The following CWC27 variants were observed in gnomAD, a reference collection of about 807,000 sequenced individuals.
CWC27 encodes the protein CWC27 spliceosome associated cyclophilin.
A neutral mutation model predicts 63.6 loss-of-function variants in CWC27; 47 were observed. The ratio of observed to expected loss-of-function variants is 0.74; its 90% CI spans 0.58 to 0.94. CWC27 has a LOEUF of 0.94. Among genes scored for constraint, CWC27 ranks in the 40% least tolerant of loss-of-function variants. CWC27 has a pLI of 0.00. For missense variants in CWC27, 495 were observed against 554.3 expected (o/e 0.89, Z 1.07); for synonymous variants, 175 against 179.8 (o/e 0.97, Z 0.22).
intron 13 of CWC27, among the ~76,000 whole-genome samples, chr5:65,013,222 CTG>C (rs1403394379): frequency 6.6e-6 from 1 of 152,182 alleles, no homozygotes; most frequent in Non-Finnish European, 1.5e-5. Flanking sequence ...ATTTGGTGAG[CTG>C]TGAGAAATGA....
At chr5:64,798,956 A>G (rs180758128) in intron 7 of CWC27, among the ~76,000 whole-genome samples, 122 of 152,308 alleles carry the variant, frequency 8.0e-4, no homozygotes, top group Non-Finnish European at 1.4e-3. Context: ...TACAGGGTGT[A>G]AGTTTGAGGT....
rs566980115 is a variant in CWC27, at chr5:64,938,152, G to T, written c.1043-33551G>T. 9.9e-5 allele frequency among the ~76,000 whole-genome samples: 15 copies of T among 152,168 alleles called. No homozygotes were observed. The South Asian group carries it at 3.1e-3, about 32-fold the overall frequency. ...GTGAATTTGATCCTGTCATTATGAT[G>T]CTAGCTGGTTATTTTGCCCATTAGT... On this transcript the variant is annotated intron_variant, in intron 11 of 13. Transcript: ENST00000381070.
At chr5:65,010,751 A>G (rs140150763) in intron 13 of CWC27, among the ~76,000 whole-genome samples, 7 of 152,264 alleles carry the variant, frequency 4.6e-5, no homozygotes, top group Admixed American at 1.3e-4. Flanking sequence ...TTTGAGAAAG[A>G]TAAGTGTTGG....
chr5:64,986,964 T>C (rs560070997), intron 13 of CWC27, among the ~76,000 whole-genome samples: 7 of 152,312 alleles, frequency 4.6e-5, no homozygotes, highest in African/African-American at 9.6e-5. Flanking sequence ...CAAGGATGAA[T>C]TGATGACTTT....
chr5:64,807,998 A>G, intron 10 of CWC27: 1 of 1,390,002 alleles, frequency 7.2e-7, no homozygotes, highest in Non-Finnish European at 9.3e-7. Context: ...TCGACTGGCT[A>G]CTTTCCATTT....
chr5:64,908,785 G>A (rs140933676), intron 11 of CWC27, among the ~76,000 whole-genome samples: 4,460 of 152,182 alleles, frequency 0.029, 236 homozygotes, highest in African/African-American at 0.1. Context: ...GTCTCTGCAC[G>A]TGAGATGGGT....
chr5:64,785,559 C>T lies in CWC27; in HGVS notation c.475C>T (p.His159Tyr), dbSNP rs1251935070. The stretch of plus-strand genomic sequence containing the variant: ...TGATGACGAAAGACCACATAATCCA[C>T]ACAAAATAAAAAGCTGTGAGGTAGG... Reference protein sequence around the residue: ...IDDDERPHNPHKIKSCEVLFN... With the variant: ...IDDDERPHNPYKIKSCEVLFN... The change falls in exon 5 of 14, where the codon CAC (histidine) becomes TAC (tyrosine). Residue 159 changes from histidine to tyrosine, a missense_variant. Coordinates refer to ENST00000381070, the MANE Select transcript of CWC27 (RefSeq NM_005869.4). 2.5e-6 allele frequency: 4 copies of T among 1,595,480 alleles called. No individual in the cohort carries two copies. The highest frequency in any genetic ancestry group is 2.3e-5 in the South Asian group (2 of 88,476).
intron 11 of CWC27, among the ~76,000 whole-genome samples, chr5:64,958,209 C>T (rs922738344): frequency 6.6e-5 from 10 of 152,166 alleles, no homozygotes; most frequent in Admixed American, 6.5e-4. Context: ...ATAAATGTCA[C>T]ACTATGCTGT....
At chr5:65,017,442 C>T (rs1360450351) in intron 13 of CWC27, among the ~76,000 whole-genome samples, 3 of 152,186 alleles carry the variant, frequency 2.0e-5, no homozygotes, top group African/African-American at 7.2e-5. Flanking sequence ...CAACATATTT[C>T]GCTGATCCTA....
chr5:64,819,011 T>C (rs1745121751), intron 10 of CWC27, among the ~76,000 whole-genome samples: 1 of 152,198 alleles, frequency 6.6e-6, no homozygotes. Flanking sequence ...GTAATGAAAA[T>C]ACACATGTTG....
chr5:64,789,914 C>CT (rs1744015382), intron 7 of CWC27, among the ~76,000 whole-genome samples: 1 of 152,106 alleles, frequency 6.6e-6, no homozygotes. Flanking sequence ...CTTACCAACT[C>CT]TAACAATAAC....
chr5:64,979,237 A>G (rs976734292), intron 13 of CWC27, among the ~76,000 whole-genome samples: 2 of 152,226 alleles, frequency 1.3e-5, no homozygotes, highest in Non-Finnish European at 2.9e-5. Flanking sequence ...GAAGTGGGGA[A>G]CAAGTTAAAG....
At chr5:64,865,382 A>G (rs938175325) in intron 10 of CWC27, among the ~76,000 whole-genome samples, 2 of 152,078 alleles carry the variant, frequency 1.3e-5, no homozygotes, top group Non-Finnish European at 2.9e-5. Flanking sequence ...GAAGTTCCAT[A>G]GTAGAAGTTA....
intron 11 of CWC27, among the ~76,000 whole-genome samples, chr5:64,939,504 G>C (rs968321434): frequency 6.6e-6 from 1 of 152,138 alleles, no homozygotes; most frequent in Admixed American, 6.5e-5. Flanking sequence ...ATCCCAGAGG[G>C]GAACCCGCCA....
intron 13 of CWC27, among the ~76,000 whole-genome samples, chr5:65,010,690 G>T (rs1156910682): frequency 6.6e-6 from 1 of 152,116 alleles, no homozygotes; most frequent in Non-Finnish European, 1.5e-5. Context: ...CACCTCAAAG[G>T]CTAATCATAC....
intron 11 of CWC27, among the ~76,000 whole-genome samples, chr5:64,905,698 C>CT (rs1310291613): frequency 6.6e-6 from 1 of 152,038 alleles, no homozygotes. Flanking sequence ...TATTATTACA[C>CT]TTTAAGTTCT....
chr5:64,786,164 C>CAAAAAAA (rs1209111233), intron 5 of CWC27, among the ~76,000 whole-genome samples: 3 of 64,260 alleles, frequency 4.7e-5, no homozygotes, highest in African/African-American at 1.1e-4. Flanking sequence ...GACTCCATCT[C>CAAAAAAA]AAAAAAAAAA....
chr5:64,848,937 A>T (rs991830424), intron 10 of CWC27, among the ~76,000 whole-genome samples: 1 of 152,224 alleles, frequency 6.6e-6, no homozygotes, highest in East Asian at 1.9e-4. Flanking sequence ...CAAGGTAAGG[A>T]TGCCCATTCT....
chr5:64,932,348 G>A (rs1230644974), intron 11 of CWC27, among the ~76,000 whole-genome samples: 1 of 151,722 alleles, frequency 6.6e-6, no homozygotes, highest in Non-Finnish European at 1.5e-5. Flanking sequence ...AATCTCAATG[G>A]CCAATAGGAC....
Sources: allele counts gnomAD v4.1 joint callset (sites outside exome capture counted in the v4.1 genomes callset), GRCh38; gene constraint gnomAD v4.1.1; transcripts MANE v1.5; gene names NCBI Gene and HGNC (gene_info 2026-07-23, HGNC 2026-07-21).